The following MLF1 variants were observed in gnomAD, a reference collection of about 807,000 sequenced individuals.
The protein encoded by MLF1 is myeloid leukemia factor 1.
Under a neutral mutation model 38.3 loss-of-function variants are expected in MLF1, and 37 were observed. That is an observed-to-expected ratio of 0.96 (90% CI 0.74 to 1.27). The LOEUF (loss-of-function observed/expected upper bound fraction) is 1.27. MLF1 is among the 50% of genes most tolerant of loss of function. MLF1 has a pLI of 0.00. For missense variants in MLF1, 331 were observed against 349.2 expected, an observed-to-expected ratio of 0.95 and a Z score of 0.42; for synonymous variants, 95 against 106.5, an observed-to-expected ratio of 0.89 and a Z score of 0.66.
intron 1 of MLF1, 101 bp downstream of exon 1, chr3:158,571,448 T>G: frequency 6.9e-7 from 1 of 1,446,170 alleles, no homozygotes; most frequent in Non-Finnish European, 9.6e-7. Context: ...CGAGAGAGAA[T>G]TCGGAGTAAC....
At chr3:158,574,309 C>A (rs1220650548) in intron 1 of MLF1, among the ~76,000 whole-genome samples, 7 of 151,824 alleles carry the variant, frequency 4.6e-5, no homozygotes, top group African/African-American at 1.7e-4. Context: ...TGTTTAGGAG[C>A]TGTTGGGATA....
At chr3:158,583,656 T>C (rs1402423833) in intron 1 of MLF1, among the ~76,000 whole-genome samples, 1 of 152,216 alleles carries the variant, frequency 6.6e-6, no homozygotes, top group Non-Finnish European at 1.5e-5. Context: ...CAAGTACACA[T>C]AAAACTACTC....
chr3:158,581,159 G>A (rs959379491), intron 1 of MLF1, among the ~76,000 whole-genome samples: 5 of 152,146 alleles, frequency 3.3e-5, no homozygotes, highest in Non-Finnish European at 7.4e-5. Context: ...CAGTGCGAGG[G>A]TAGTAGGAAA....
In MLF1 at chr3:158,605,155, G is replaced by A. The variant is rs1720359162; in HGVS notation, c.805G>A (p.Asp269Asn). ...TGGAAGGAGATCAAATGTTTTGGGG[G>A]ACAAACTCCACATCAAAGGCTCATC... Reference protein sequence around the residue: ...EHGRRSNVLGDKLHIKGSSVK... With the variant: ...EHGRRSNVLGNKLHIKGSSVK... The change falls in exon 8 of 8, where the codon GAC becomes AAC. Residue 269 changes from aspartate to asparagine, a missense_variant. Coordinates refer to ENST00000466246, the MANE Select transcript of MLF1 (RefSeq NM_001369783.1). The A allele has an allele frequency of 1.2e-6, 2 of 1,613,646 alleles. No homozygotes were observed. Among genetic ancestry groups the A allele is most frequent in the African/African-American group, 1.3e-5 (1 of 74,902 alleles).
At chr3:158,601,341 G>A (rs948461572) in intron 6 of MLF1, among the ~76,000 whole-genome samples, 13 of 151,682 alleles carry the variant, frequency 8.6e-5, no homozygotes, top group African/African-American at 1.5e-4. Context: ...AGGCCAAGGC[G>A]GGCAGATCAC....
At chr3:158,596,974 C>G (rs1281346850) in intron 4 of MLF1, 29 bp downstream of exon 4, 2 of 1,389,846 alleles carry the variant, frequency 1.4e-6, no homozygotes, top group Non-Finnish European at 2.0e-6. Context: ...GCATTGAGAA[C>G]ATTGTGTATA....
At chr3:158,580,307 G>C (rs1437799884) in intron 1 of MLF1, among the ~76,000 whole-genome samples, 1 of 150,178 alleles carries the variant, frequency 6.7e-6, no homozygotes, top group Non-Finnish European at 1.5e-5. Context: ...AAAAAAGAAA[G>C]ATTTTGTGAG....
chr3:158,591,304 C>G (rs984329139), intron 1 of MLF1, among the ~76,000 whole-genome samples: 1 of 151,592 alleles, frequency 6.6e-6, no homozygotes, highest in African/African-American at 2.4e-5. Flanking sequence ...GGATTATAGG[C>G]GTACGTCACC....
chr3:158,590,994 T>TA, intron 1 of MLF1: 1 of 425,036 alleles, frequency 2.4e-6, no homozygotes, highest in Non-Finnish European at 4.6e-6. Flanking sequence ...ACCTCCAAGG[T>TA]AATGTGTGAA....
chr3:158,589,631 A>C (rs1717830692), intron 1 of MLF1, among the ~76,000 whole-genome samples: 1 of 152,222 alleles, frequency 6.6e-6, no homozygotes, highest in East Asian at 1.9e-4. Flanking sequence ...AGACTTTTGT[A>C]TATTTTAAAA....
At chr3:158,599,150 A>G (rs933063909) in intron 5 of MLF1, among the ~76,000 whole-genome samples, 9 of 152,160 alleles carry the variant, frequency 5.9e-5, no homozygotes, top group African/African-American at 1.4e-4. Flanking sequence ...TTTTTAAATC[A>G]TTTTCTGTCA....
intron 1 of MLF1, among the ~76,000 whole-genome samples, chr3:158,574,393 C>T (rs1576636808): frequency 6.7e-6 from 1 of 150,288 alleles, no homozygotes; most frequent in East Asian, 2.0e-4. Flanking sequence ...AGAGGCGAGG[C>T]TTGGTGGCTC....
intron 1 of MLF1, among the ~76,000 whole-genome samples, chr3:158,585,576 G>A (rs1717129400): frequency 6.6e-6 from 1 of 152,180 alleles, no homozygotes; most frequent in South Asian, 2.1e-4. Context: ...AGAGGGTAAT[G>A]CAGCCATTTA....
rs150630577 is a variant in MLF1 at position 158,593,152 on chromosome 3, G to A, written c.196-230G>A. On this transcript the variant is annotated intron_variant, in intron 2 of 7. Coordinates refer to ENST00000466246, the MANE Select transcript of MLF1 (RefSeq NM_001369783.1). Reference sequence around the variant, plus strand: ...TCAACTAAAAATTAAAAAAAAAACAGGATATTTATATATTGTAACCATTTT... The same window carrying A: ...TCAACTAAAAATTAAAAAAAAAACAAGATATTTATATATTGTAACCATTTT... 5.1e-3 allele frequency among the ~76,000 whole-genome samples: 773 copies of A among 150,912 alleles called. 12 individuals are homozygous for A. Among genetic ancestry groups the A allele is most frequent in the African/African-American group, 0.018 (744 of 40,766 alleles).
rs754702569 is a variant in MLF1, at chr3:158,571,223, G to T, written c.-78G>T. On this transcript the variant is annotated 5_prime_UTR_variant, in exon 1 of 8. Coordinates refer to ENST00000466246, the MANE Select transcript of MLF1 (RefSeq NM_001369783.1). The stretch of plus-strand genomic sequence containing the variant: ...GAGGCGTCGTCCGTACTGGAGGCTA[G>T]CTCTTGTCGCGGCCGCGGCGAGTTA... The T allele has an allele frequency of 4.2e-5, 51 of 1,224,988 alleles. No homozygotes were observed. Among genetic ancestry groups the T allele is most frequent in the African/African-American group, 5.9e-5 (4 of 67,578 alleles). 75.9% of individuals were successfully genotyped at this position (1,224,988 alleles called of 1,614,324 possible).
rs16829134 is a variant in MLF1 at position 158,606,261 on chromosome 3, T to G, written c.*1059T>G. ...AAAATCTTAACTCACATTTGTTGTT[T>G]AATATTTCTGTCAAGGAAAAAAGCC... is the stretch of plus-strand genomic sequence containing the variant. On this transcript the variant is annotated 3_prime_UTR_variant, in exon 8 of 8. Transcript: ENST00000466246. The G allele has an allele frequency of 0.01, 1,761 of 175,774 alleles. 44 individuals are homozygous for G. The highest frequency in any genetic ancestry group is 0.04 in the African/African-American group (1,703 of 42,336). The allele number at this position is 175,774 out of a possible 1,614,324, so 10.9% of individuals were successfully genotyped here. A position where few individuals can be genotyped will look rare whatever the true frequency, so the allele number is the denominator to read the frequency against.
At chr3:158,593,759 G>A (rs1718500053) in intron 3 of MLF1, among the ~76,000 whole-genome samples, 1 of 152,146 alleles carries the variant, frequency 6.6e-6, no homozygotes, top group Non-Finnish European at 1.5e-5. Flanking sequence ...CTTTCCAAAA[G>A]GTTTTTTAAA....
At chr3:158,573,996 G>A (rs1018423804) in intron 1 of MLF1, among the ~76,000 whole-genome samples, 7 of 152,012 alleles carry the variant, frequency 4.6e-5, no homozygotes, top group African/African-American at 7.3e-5. Flanking sequence ...AGGAGGTTTC[G>A]CCGTGTTACC....
chr3:158,599,204 T>C (rs1719361431), intron 5 of MLF1, among the ~76,000 whole-genome samples: 1 of 152,208 alleles, frequency 6.6e-6, no homozygotes, highest in Non-Finnish European at 1.5e-5. Flanking sequence ...TTCATCTTTA[T>C]ACATGGCTCC....
Sources: allele counts gnomAD v4.1 joint callset (sites outside exome capture counted in the v4.1 genomes callset), GRCh38; gene constraint gnomAD v4.1.1; transcripts MANE v1.5; gene names NCBI Gene and HGNC (gene_info 2026-07-23, HGNC 2026-07-21).